Variants in COL11A1 observed in about 807,000 individuals in gnomAD.
COL11A1 encodes the protein collagen type XI alpha 1 chain.
COL11A1 carries 74 observed loss-of-function variants against 265.2 expected under a neutral mutation model. The ratio of observed to expected loss-of-function variants is 0.28; its 90% CI spans 0.23 to 0.34. The LOEUF (loss-of-function observed/expected upper bound fraction) is 0.34, where lower values mean the gene tolerates loss of function less well. COL11A1 is among the 10% of genes least tolerant of loss of function. The pLI is 1.00. For synonymous variants in COL11A1, 816 were observed against 727.6 expected (o/e 1.12, Z -1.96); for missense variants, 2,165 against 2,263.6 (o/e 0.96, Z 0.88).
intron 26 of COL11A1, 55 bp downstream of exon 26, chr1:102,997,025 A>G: frequency 6.8e-7 from 1 of 1,478,990 alleles, no homozygotes. Context: ...AAATTAAGGC[A>G]TTTTCTCTTG....
chr1:102,917,440 T>C (rs140678284), intron 49 of COL11A1, among the ~76,000 whole-genome samples: 4,917 of 152,054 alleles, frequency 0.032, 109 homozygotes, highest in Middle Eastern at 0.085. Context: ...AAATAATTCA[T>C]GACTAAGACC....
At chr1:103,000,972 T>C (rs1427136776) in intron 24 of COL11A1, 2 of 389,178 alleles carry the variant, frequency 5.1e-6, no homozygotes, top group Non-Finnish European at 9.1e-6. Context: ...TGGATGAACC[T>C]AAAATGAAAG....
chr1:103,004,319 A>T (rs1303574614), intron 20 of COL11A1, 125 bp downstream of exon 20: 1 of 702,806 alleles, frequency 1.4e-6, no homozygotes, highest in South Asian at 1.8e-5. Context: ...CATGGCAATT[A>T]TCTGGTTAGC....
At chr1:102,999,030 T>G (rs1664883193) in intron 24 of COL11A1, among the ~76,000 whole-genome samples, 2 of 151,902 alleles carry the variant, frequency 1.3e-5, no homozygotes, top group African/African-American at 4.8e-5. Context: ...GAATCAGACC[T>G]TTTCTTGGGA....
At chr1:102,895,494 CT>C (rs371652442) in intron 57 of COL11A1, among the ~76,000 whole-genome samples, 11 of 152,018 alleles carry the variant, frequency 7.2e-5, no homozygotes, top group Non-Finnish European at 1.5e-4. Flanking sequence ...CCAATAGGTA[CT>C]TGTGGAACTC....
chr1:102,960,444 T>G lies in COL11A1; in HGVS notation c.3168+1422A>C, dbSNP rs145394470. Among the ~76,000 whole-genome samples the G allele has an allele frequency of 4.2e-3, 630 of 149,800 alleles. 4 individuals carry two copies. Among genetic ancestry groups the G allele is most frequent in the African/African-American group, 0.015 (601 of 40,940 alleles). ...GACAGCCAACTATATTCCAATGTAATTTCTAAAAATGGAGATATAATAAAG... is the reference window on the plus strand; with the variant it reads ...GACAGCCAACTATATTCCAATGTAAGTTCTAAAAATGGAGATATAATAAAG... On this transcript the variant is annotated intron_variant, in intron 41 of 66. Transcript: ENST00000370096.
intron 54 of COL11A1, among the ~76,000 whole-genome samples, chr1:102,906,948 A>C (rs1244214782): frequency 6.6e-6 from 1 of 152,178 alleles, no homozygotes; most frequent in African/African-American, 2.4e-5. Context: ...ATTATTATGT[A>C]AAACAGAAAG....
At chr1:102,881,334 T>A (rs1650213654) in intron 65 of COL11A1, among the ~76,000 whole-genome samples, 1 of 152,076 alleles carries the variant, frequency 6.6e-6, no homozygotes, top group South Asian at 2.1e-4. Context: ...GAATTAGGTT[T>A]CAAGCAGACA....
intron 53 of COL11A1, among the ~76,000 whole-genome samples, chr1:102,913,226 C>T (rs999544913): frequency 6.6e-6 from 1 of 151,962 alleles, no homozygotes; most frequent in Admixed American, 6.6e-5. Context: ...TTTAAAAAGG[C>T]CTATACTATG....
chr1:102,885,371 T>C (rs763682726), intron 63 of COL11A1, among the ~76,000 whole-genome samples: 36 of 152,278 alleles, frequency 2.4e-4, no homozygotes, highest in Non-Finnish European at 4.3e-4. Flanking sequence ...GCCACTTCAT[T>C]TGAAATATTT....
chr1:103,078,920 A>G, intron 2 of COL11A1, 49 bp from the exon 3 acceptor site: 1 of 1,321,626 alleles, frequency 7.6e-7, no homozygotes, highest in South Asian at 1.2e-5. Context: ...TCCAATTTCT[A>G]CTTTATTCCT....
At chr1:103,102,638 A>G (rs1674372492) in intron 1 of COL11A1, among the ~76,000 whole-genome samples, 1 of 152,054 alleles carries the variant, frequency 6.6e-6, no homozygotes, top group South Asian at 2.1e-4. Flanking sequence ...GGAGAAAATA[A>G]AAGTGTATCT....
At chr1:102,885,675 T>G (rs1650876180) in intron 63 of COL11A1, among the ~76,000 whole-genome samples, 1 of 152,128 alleles carries the variant, frequency 6.6e-6, no homozygotes, top group Non-Finnish European at 1.5e-5. Context: ...CAAGTAGAGA[T>G]AACCACTGTA....
intron 49 of COL11A1, among the ~76,000 whole-genome samples, chr1:102,917,843 T>G (rs922432561): frequency 3.3e-5 from 5 of 151,778 alleles, no homozygotes; most frequent in Non-Finnish European, 5.9e-5. Flanking sequence ...AAAAAAAGTA[T>G]GAGCTTTTTA....
At chr1:103,031,271 A>G (rs780469677) in intron 4 of COL11A1, 27 bp from the exon 5 acceptor site, 74 of 1,595,604 alleles carry the variant, frequency 4.6e-5, no homozygotes, top group Non-Finnish European at 6.0e-5. Flanking sequence ...AACAAAAACA[A>G]ACAGACACAG....
intron 1 of COL11A1, among the ~76,000 whole-genome samples, chr1:103,083,387 C>T (rs1672592997): frequency 6.6e-6 from 1 of 151,666 alleles, no homozygotes; most frequent in South Asian, 2.1e-4. Context: ...CAAGTAATAA[C>T]ATTATGTAGA....
chr1:102,903,049 G>T (rs1395450920), intron 54 of COL11A1, among the ~76,000 whole-genome samples: 2 of 151,684 alleles, frequency 1.3e-5, no homozygotes, highest in East Asian at 3.9e-4. Flanking sequence ...GCATTTTCAG[G>T]TTATAATGCT....
intron 24 of COL11A1, among the ~76,000 whole-genome samples, chr1:102,999,749 T>C (rs2786123): frequency 0.044 from 6,714 of 151,934 alleles, 254 homozygotes; most frequent in African/African-American, 0.098. Context: ...AATTATACCA[T>C]GATACAATTA....
At chr1:102,995,030 G>A (rs1664489421) in intron 28 of COL11A1, among the ~76,000 whole-genome samples, 1 of 152,024 alleles carries the variant, frequency 6.6e-6, no homozygotes, top group Non-Finnish European at 1.5e-5. Flanking sequence ...AGAACATCAT[G>A]AGGGAAACCG....
Sources: gnomAD v4.1 joint callset for allele counts (sites outside exome capture counted in the v4.1 genomes callset) on GRCh38, gnomAD v4.1.1 for gene constraint, MANE v1.5 for transcripts, NCBI Gene and HGNC (gene_info 2026-07-23, HGNC 2026-07-21) for gene names.